Variants in ABRAXAS2 observed in about 807,000 individuals in gnomAD.
ABRAXAS2 encodes abraxas 2, BRISC complex subunit.
A neutral mutation model predicts 49.0 loss-of-function variants in ABRAXAS2; 23 were observed. That is an observed-to-expected ratio of 0.47 (90% CI 0.34 to 0.66). The LOEUF is 0.66. ABRAXAS2 is among the 30% of genes least tolerant of loss of function. ABRAXAS2 has a pLI of 0.01. For synonymous variants in ABRAXAS2, 168 were observed against 180.2 expected (o/e 0.93, Z 0.54); for missense variants, 443 against 511.9 (o/e 0.87, Z 1.30).
At chr10:124,810,713 G>A (rs1950781328) in intron 2 of ABRAXAS2, among the ~76,000 whole-genome samples, 1 of 151,018 alleles carries the variant, frequency 6.6e-6, no homozygotes, top group Admixed American at 6.6e-5. Flanking sequence ...CTCCCGAGTA[G>A]GTGGAACTAC....
At chr10:124,803,302 C>T (rs1451750615) in intron 1 of ABRAXAS2, among the ~76,000 whole-genome samples, 1 of 152,166 alleles carries the variant, frequency 6.6e-6, no homozygotes, top group Non-Finnish European at 1.5e-5. Flanking sequence ...CAATAGTTTG[C>T]AACTGTGTTT....
chr10:124,834,003 A>G (rs1950951721), intron 8 of ABRAXAS2, among the ~76,000 whole-genome samples: 1 of 152,212 alleles, frequency 6.6e-6, no homozygotes, highest in South Asian at 2.1e-4. Context: ...ATATTATGAC[A>G]GGTAGCTATA....
intron 2 of ABRAXAS2, among the ~76,000 whole-genome samples, chr10:124,808,441 G>A (rs1950762809): frequency 6.6e-6 from 1 of 152,110 alleles, no homozygotes; most frequent in Admixed American, 6.5e-5. Context: ...CTCCCAAACT[G>A]CTGGGATTAC....
intron 2 of ABRAXAS2, among the ~76,000 whole-genome samples, chr10:124,807,307 T>C (rs1476891257): frequency 9.5e-6 from 1 of 105,636 alleles, no homozygotes; most frequent in African/African-American, 3.9e-5. Flanking sequence ...AGCAAGACTC[T>C]GTCTCAAAAA....
intron 1 of ABRAXAS2, among the ~76,000 whole-genome samples, chr10:124,802,147 C>T (rs1051480548): frequency 6.6e-6 from 1 of 152,216 alleles, no homozygotes; most frequent in African/African-American, 2.4e-5. Context: ...AGCCGTCTCC[C>T]GTGCAGCAAA....
Position 124,801,867 on chromosome 10 carries a change from T to G in ABRAXAS2, c.38T>G (p.Val13Gly). The part of the protein sequence containing the change: ...ASISGYTFSA[V>G]CFHSANSNAD... ...ATTTCGGGCTACACCTTCAGTGCTG[T>G]GTGTTTCCACAGCGCCAACAGCAAC... The change falls in exon 1 of 9, where the codon GTG (valine) becomes GGG (glycine). Residue 13 changes from valine to glycine, a missense_variant. Coordinates refer to ENST00000298492, the MANE Select transcript of ABRAXAS2 (RefSeq NM_032182.4). 6.2e-7 allele frequency: 1 copy of G among 1,613,340 alleles called. No individual in the cohort carries two copies. Among genetic ancestry groups the G allele is most frequent in the Non-Finnish European group, 8.5e-7 (1 of 1,179,794 alleles).
rs753755588 is a variant in ABRAXAS2, at chr10:124,806,786, CATTTTT to C, written c.73-37_73-32del. The C allele has an allele frequency of 9.3e-6, 12 of 1,290,052 alleles. No individual in the cohort carries two copies. In the Admixed American group the frequency reaches 1.8e-4, roughly 19 times the overall value. 79.9% of individuals were successfully genotyped at this position (1,290,052 alleles called of 1,614,324 possible). A position where few individuals can be genotyped will look rare whatever the true frequency, so the allele number is the denominator to read the frequency against. ...AATTCCTCTTAATTTCAGTAAAAGTCATTTTTATTTTTAGTCTGCAATTATTTTCTT... is the reference window on the plus strand; with the variant it reads ...AATTCCTCTTAATTTCAGTAAAAGTCATTTTTAGTCTGCAATTATTTTCTT... On this transcript the variant is annotated intron_variant, in intron 1 of 8. Transcript: ENST00000298492.
intron 1 of ABRAXAS2, among the ~76,000 whole-genome samples, chr10:124,804,133 C>A (rs1480457172): frequency 6.6e-6 from 1 of 152,106 alleles, no homozygotes; most frequent in Non-Finnish European, 1.5e-5. Flanking sequence ...AAACTCCTGG[C>A]CTTAAGCGAT....
intron 5 of ABRAXAS2, 62 bp downstream of exon 5, chr10:124,826,847 C>T (rs1358387635): frequency 7.3e-6 from 11 of 1,499,382 alleles, no homozygotes; most frequent in Non-Finnish European, 9.2e-6. Flanking sequence ...GGCGTGGTGG[C>T]TTACGCCTGT....
rs1473510449 is a variant in ABRAXAS2 at position 124,835,103 on chromosome 10, C to T, written c.*132C>T. On this transcript the variant is annotated 3_prime_UTR_variant, in exon 9 of 9. Transcript: ENST00000298492. The stretch of plus-strand genomic sequence containing the variant: ...CTCCCGAGAAGAGAGTCCTTGTGCA[C>T]AGAACTTGTGGGAGCCTCCATCCGC... The T allele has an allele frequency of 2.9e-6, 2 of 678,730 alleles. No homozygotes were observed. The highest frequency in any genetic ancestry group is 4.9e-6 in the Non-Finnish European group (2 of 410,582). 42.0% of individuals were successfully genotyped at this position (678,730 alleles called of 1,614,324 possible). A position where few individuals can be genotyped will look rare whatever the true frequency, so the allele number is the denominator to read the frequency against.
At chr10:124,807,742 C>T (rs181833947) in intron 2 of ABRAXAS2, among the ~76,000 whole-genome samples, 3 of 152,146 alleles carry the variant, frequency 2.0e-5, no homozygotes, top group Non-Finnish European at 2.9e-5. Flanking sequence ...GTATTCCTTA[C>T]CCACCAATGG....
intron 7 of ABRAXAS2, 101 bp downstream of exon 7, chr10:124,829,578 G>T: frequency 1.3e-6 from 1 of 754,034 alleles, no homozygotes; most frequent in East Asian, 2.7e-5. Flanking sequence ...AATAGAGTTA[G>T]GATCCGAAAG....
At chr10:124,808,266 C>T (rs1213852624) in intron 2 of ABRAXAS2, among the ~76,000 whole-genome samples, 1 of 151,370 alleles carries the variant, frequency 6.6e-6, no homozygotes, top group African/African-American at 2.5e-5. Flanking sequence ...AGCTCCGCCT[C>T]CCGGGTTCAG....
At chr10:124,825,118 TC>T (rs1950888703) in intron 4 of ABRAXAS2, among the ~76,000 whole-genome samples, 1 of 152,018 alleles carries the variant, frequency 6.6e-6, no homozygotes, top group South Asian at 2.1e-4. Context: ...GGTCAGGAGT[TC>T]AAGACCCACC....
chr10:124,808,638 G>C (rs78462361), intron 2 of ABRAXAS2, among the ~76,000 whole-genome samples: 8,603 of 152,148 alleles, frequency 0.057, 788 homozygotes, highest in African/African-American at 0.19. Flanking sequence ...AAGTAACAGA[G>C]AAAATCCCCG....
At chr10:124,831,842 C>CTTTTT (rs71029219) in intron 8 of ABRAXAS2, among the ~76,000 whole-genome samples, 3 of 37,722 alleles carry the variant, frequency 8.0e-5, no homozygotes, top group Non-Finnish European at 1.4e-4. Flanking sequence ...TGTGTCCTGT[C>CTTTTT]TTTTTTTTTT....
At chr10:124,832,562 G>A (rs1950939841) in intron 8 of ABRAXAS2, among the ~76,000 whole-genome samples, 1 of 152,164 alleles carries the variant, frequency 6.6e-6, no homozygotes, top group Admixed American at 6.6e-5. Flanking sequence ...AATACAGATA[G>A]GGCTGGGCGC....
intron 2 of ABRAXAS2, among the ~76,000 whole-genome samples, chr10:124,812,067 A>G: frequency 6.6e-6 from 1 of 152,196 alleles, no homozygotes; most frequent in Non-Finnish European, 1.5e-5. Context: ...GTAAGCCACC[A>G]CACCCAGCCC....
Position 124,806,928 on chromosome 10 carries a change from A to G in ABRAXAS2, c.163+7A>G. On this transcript the variant is annotated splice_region_variant and intron_variant, in intron 2 of 8. Transcript: ENST00000298492. Reference sequence around the variant, plus strand: ...GAATTTCTGCAAGTAATTGGTAAGTAAATTTCTCAATGACCTTAGAAATAT... The same window carrying G: ...GAATTTCTGCAAGTAATTGGTAAGTGAATTTCTCAATGACCTTAGAAATAT... 1 of 1,561,952 alleles carries G rather than the reference A, an allele frequency of 6.4e-7. No homozygotes were observed. The highest frequency in any genetic ancestry group is 1.4e-5 in the African/African-American group (1 of 73,960).
Sources: gnomAD v4.1 joint callset for allele counts (sites outside exome capture counted in the v4.1 genomes callset) on GRCh38, gnomAD v4.1.1 for gene constraint, MANE v1.5 for transcripts, NCBI Gene and HGNC (gene_info 2026-07-23, HGNC 2026-07-21) for gene names.